CSMD3: variants seen among roughly 807,000 people sequenced by gnomAD.
The protein encoded by CSMD3 is CUB and Sushi multiple domains 3, also known as CUB and sushi domain-containing protein 3.
Under a neutral mutation model 435.2 loss-of-function variants are expected in CSMD3, and 177 were observed. The ratio of observed to expected loss-of-function variants is 0.41; its 90% CI spans 0.36 to 0.46. CSMD3 has a LOEUF of 0.46. CSMD3 is among the 20% of genes least tolerant of loss of function. The pLI is 0.34. For missense variants in CSMD3, 4,265 were observed against 4,504.6 expected (o/e 0.95, Z 1.52); for synonymous variants, 1,656 against 1,520.5 (o/e 1.09, Z -2.07).
intron 13 of CSMD3, among the ~76,000 whole-genome samples, chr8:112,734,716 T>C (rs889691960): frequency 6.6e-5 from 10 of 152,120 alleles, no homozygotes; most frequent in African/African-American, 2.2e-4. Context: ...TTTTTTGCTT[T>C]TTATCTTTAA....
At chr8:112,786,347 G>A (rs1476324848) in intron 13 of CSMD3, among the ~76,000 whole-genome samples, 1 of 152,032 alleles carries the variant, frequency 6.6e-6, no homozygotes, top group African/African-American at 2.4e-5. Context: ...GAAACTCTCA[G>A]GACATTGGTC....
At position 112,386,494 on chromosome 8, in the gene CSMD3, C is replaced by T. The variant is rs564662198; in HGVS notation, c.5935-2831G>A. Reference sequence around the variant, plus strand: ...TGACAGAAGACACATGAAAGCCAACCAAAGATTTTTTTTTTCTTTTTTAGA... The same window carrying T: ...TGACAGAAGACACATGAAAGCCAACTAAAGATTTTTTTTTTCTTTTTTAGA... On this transcript the variant is annotated intron_variant, in intron 36 of 70. Coordinates refer to ENST00000297405, the MANE Select transcript of CSMD3 (RefSeq NM_198123.2). 9.5e-4 allele frequency among the ~76,000 whole-genome samples: 144 copies of T among 151,880 alleles called. 1 individual carries two copies. Among genetic ancestry groups the T allele is most frequent in the African/African-American group, 3.4e-3 (140 of 41,458 alleles).
chr8:113,211,429 G>A (rs1363110124), intron 3 of CSMD3, among the ~76,000 whole-genome samples: 3 of 152,120 alleles, frequency 2.0e-5, no homozygotes, highest in African/African-American at 7.2e-5. Flanking sequence ...TTAGTGAGAT[G>A]TAAATGAACA....
chr8:112,936,743 C>A (rs1425996191), intron 9 of CSMD3, among the ~76,000 whole-genome samples: 1 of 152,112 alleles, frequency 6.6e-6, no homozygotes, highest in African/African-American at 2.4e-5. Flanking sequence ...TCTAGAAATA[C>A]TTTAATTCAT....
At chr8:113,355,805 T>C (rs1203728724) in intron 1 of CSMD3, among the ~76,000 whole-genome samples, 1 of 94,290 alleles carries the variant, frequency 1.1e-5, no homozygotes, top group Non-Finnish European at 2.5e-5. Context: ...TTGTCAACTA[T>C]ACATTTATCT....
intron 38 of CSMD3, among the ~76,000 whole-genome samples, chr8:112,363,280 T>C (rs999862835): frequency 6.6e-6 from 1 of 152,034 alleles, no homozygotes; most frequent in African/African-American, 2.4e-5. Flanking sequence ...TAACAAATGT[T>C]AACTATTGTT....
Position 112,336,692 on chromosome 8 carries a change from C to G in CSMD3, c.6979G>C (p.Val2327Leu), listed in dbSNP as rs766601576. The change falls in exon 44 of 71, where the codon GTC becomes CTC. Residue 2327 changes from valine (V) to leucine (L), a missense_variant. By Grantham distance (32) the Val-to-Leu change is conservative. Around this residue, in one of 3 missense-constraint regions of CSMD3, gnomAD observed 3,255 missense variants for 3,380.2 expected, o/e 0.96. Transcript: ENST00000297405. ...PGNGIYINFTVLQTEPIYDFI... is the reference protein window; with the variant it reads ...PGNGIYINFTLLQTEPIYDFI... ...TCATATATTGGTTCTGTTTGAAGGA[C>G]AGTAAAATTGATGTAGATGCCATTC... The G allele has an allele frequency of 6.8e-6, 11 of 1,612,804 alleles. No homozygotes were observed. The highest frequency in any genetic ancestry group is 9.3e-6 in the Non-Finnish European group (11 of 1,179,136).
chr8:113,034,356 G>A lies in CSMD3; in HGVS notation c.918-15177C>T, dbSNP rs557042797. Among the ~76,000 whole-genome samples the A allele has an allele frequency of 1.1e-4, 16 of 151,674 alleles. No individual in the cohort carries two copies. The East Asian group carries it at 2.7e-3, about 26-fold the overall frequency. ...ATGTGATATATTCGGCAATAAAAAT[G>A]AAGTACAGATACATGCTATAACATG... is the stretch of plus-strand genomic sequence containing the variant. On this transcript the variant is annotated intron_variant, in intron 5 of 70. Coordinates refer to ENST00000297405, the MANE Select transcript of CSMD3 (RefSeq NM_198123.2).
rs556621156 is a variant in CSMD3, at chr8:112,852,353, G to A, written c.1755+6792C>T. 4.0e-4 allele frequency among the ~76,000 whole-genome samples: 61 copies of A among 152,214 alleles called. 1 individual carries two copies. In the South Asian group the frequency reaches 7.3e-3, roughly 18 times the overall value. ...TGGATTTTTTTGTTTTCCTGCAAAA[G>A]TCAACATTTATACTTAATTGAAAAA... is the stretch of plus-strand genomic sequence containing the variant. On this transcript the variant is annotated intron_variant, in intron 11 of 70. Coordinates refer to ENST00000297405, the MANE Select transcript of CSMD3 (RefSeq NM_198123.2).
chr8:112,759,276 G>T (rs926388857), intron 13 of CSMD3, among the ~76,000 whole-genome samples: 1 of 152,088 alleles, frequency 6.6e-6, no homozygotes, highest in Non-Finnish European at 1.5e-5. Flanking sequence ...CACATATCAT[G>T]CCTTTGATGA....
chr8:112,771,112 T>C (rs2078102267), intron 13 of CSMD3, among the ~76,000 whole-genome samples: 1 of 152,092 alleles, frequency 6.6e-6, no homozygotes, highest in Non-Finnish European at 1.5e-5. Flanking sequence ...GAGAATGCTA[T>C]ACTCTTACTT....
rs572090980 is a variant in CSMD3, at chr8:112,358,623, G to A, written c.6137-6089C>T. 2.0e-5 allele frequency among the ~76,000 whole-genome samples: 3 copies of A among 152,294 alleles called. No individual in the cohort carries two copies. In the East Asian group the frequency reaches 5.8e-4, roughly 29 times the overall value. On this transcript the variant is annotated intron_variant, in intron 38 of 70. Coordinates refer to ENST00000297405, the MANE Select transcript of CSMD3 (RefSeq NM_198123.2). Reference sequence around the variant, plus strand: ...TTAAAAGAGGAATTCCCCTGCACAAGTTCCCTCTCTTTGCCTGCTATCATC... The same window carrying A: ...TTAAAAGAGGAATTCCCCTGCACAAATTCCCTCTCTTTGCCTGCTATCATC...
chr8:113,139,943 T>C (rs2091507717), intron 4 of CSMD3, among the ~76,000 whole-genome samples: 1 of 151,034 alleles, frequency 6.6e-6, no homozygotes, highest in South Asian at 2.1e-4. Context: ...AGTCTCAGAT[T>C]TACAATGGCT....
rs1812308177 is a variant in CSMD3 at position 112,223,258 on chromosome 8, G to A, written c.*1513C>T. 2.6e-6 allele frequency: 1 copy of A among 383,696 alleles called. No homozygotes were observed. Among genetic ancestry groups the A allele is most frequent in the East Asian group, 3.6e-5 (1 of 27,418 alleles). 23.8% of individuals were successfully genotyped at this position (383,696 alleles called of 1,614,324 possible). A position where few individuals can be genotyped will look rare whatever the true frequency, so the allele number is the denominator to read the frequency against. On this transcript the variant is annotated 3_prime_UTR_variant, in exon 71 of 71. Transcript: ENST00000297405. ...TTTCCAAAACAATGTATCTCAAAGTGGTTTACAAGAAATTCATTAAATGTT... is the reference window on the plus strand; with the variant it reads ...TTTCCAAAACAATGTATCTCAAAGTAGTTTACAAGAAATTCATTAAATGTT...
At chr8:112,922,851 G>A (rs745857399) in intron 9 of CSMD3, among the ~76,000 whole-genome samples, 4 of 152,048 alleles carry the variant, frequency 2.6e-5, no homozygotes, top group Non-Finnish European at 5.9e-5. Context: ...CTTAGACCTC[G>A]TCATGACTCC....
chr8:113,097,275 C>T (rs1238714793), intron 5 of CSMD3, among the ~76,000 whole-genome samples: 1 of 151,990 alleles, frequency 6.6e-6, no homozygotes, highest in East Asian at 1.9e-4. Flanking sequence ...TACTAGAATT[C>T]CATTTGTTTA....
At chr8:113,087,429 G>T (rs1227260339) in intron 5 of CSMD3, among the ~76,000 whole-genome samples, 1 of 106,896 alleles carries the variant, frequency 9.4e-6, no homozygotes, top group Non-Finnish European at 2.1e-5. Context: ...AACAAAGCTG[G>T]AGGCATCATG....
At chr8:113,172,459 G>A (rs2092284078) in intron 4 of CSMD3, among the ~76,000 whole-genome samples, 1 of 152,260 alleles carries the variant, frequency 6.6e-6, no homozygotes, top group Non-Finnish European at 1.5e-5. Context: ...TGAAGCATAC[G>A]CAGCAACGGA....
chr8:113,404,599 G>T (rs1006435732), intron 1 of CSMD3, among the ~76,000 whole-genome samples: 6 of 151,342 alleles, frequency 4.0e-5, no homozygotes, highest in African/African-American at 1.2e-4. Flanking sequence ...CCCTGATATT[G>T]TCTGAGCAGG....
Sources: allele counts gnomAD v4.1 joint callset (sites outside exome capture counted in the v4.1 genomes callset), GRCh38; gene constraint gnomAD v4.1.1; regional missense constraint gnomAD v4.1.1; transcripts MANE v1.5; gene names NCBI Gene and HGNC (gene_info 2026-07-23, HGNC 2026-07-21).